The following ING3 variants were observed in gnomAD, a reference collection of about 807,000 sequenced individuals.
The protein encoded by ING3 is inhibitor of growth protein 3.
Under a neutral mutation model 64.8 loss-of-function variants are expected in ING3, and 6 were observed. The ratio of observed to expected loss-of-function variants is 0.09; its 90% CI spans 0.05 to 0.18. ING3 has a LOEUF of 0.18. Among genes scored for constraint, ING3 ranks in the 10% least tolerant of loss-of-function variants. The pLI is 1.00. For synonymous variants in ING3, 170 were observed against 173.7 expected (o/e 0.98, Z 0.17); for missense variants, 310 against 489.7 (o/e 0.63, Z 3.46).
At chr7:120,955,153 A>G (rs577056879) in intron 3 of ING3, among the ~76,000 whole-genome samples, 213 of 152,216 alleles carry the variant, frequency 1.4e-3, no homozygotes, top group African/African-American at 4.9e-3. Context: ...TTTTTGAGAC[A>G]GAGTCTCGCT....
chr7:120,963,809 C>G (rs991719551), intron 4 of ING3, among the ~76,000 whole-genome samples: 2 of 151,944 alleles, frequency 1.3e-5, no homozygotes, highest in African/African-American at 2.4e-5. Context: ...AAAATGTTGC[C>G]CTGGTAGAGT....
At position 120,968,714 on chromosome 7, in the gene ING3, TG is replaced by T. The variant is rs1345517280; in HGVS notation, c.715-294del. 2.6e-5 allele frequency among the ~76,000 whole-genome samples: 4 copies of T among 151,652 alleles called. No individual in the cohort carries two copies. The South Asian group carries it at 8.3e-4, about 32-fold the overall frequency. ...ACAAAAAAATTAGCTGGGTGCCTGG[TG>T]GGTGCCTGTAATCCCAGCTACTCGG... On this transcript the variant is annotated intron_variant, in intron 8 of 11. Coordinates refer to ENST00000315870, the MANE Select transcript of ING3 (RefSeq NM_019071.3).
rs1444626516 is a variant in ING3, at chr7:120,976,469, G to A, written c.*1625G>A. ...CTCCCTAAACAAGTTAGGTTCATTT[G>A]TGAGTACTCATCATTTCATAATATC... On this transcript the variant is annotated 3_prime_UTR_variant, in exon 12 of 12. Coordinates refer to ENST00000315870, the MANE Select transcript of ING3 (RefSeq NM_019071.3). 2 of 152,062 alleles carry A rather than the reference G, an allele frequency of 1.3e-5. No individual in the cohort carries two copies. Among genetic ancestry groups the A allele is most frequent in the South Asian group, 2.1e-4 (1 of 4,826 alleles). The allele number at this position is 152,062 out of a possible 1,614,324, so 9.4% of individuals were successfully genotyped here. A position where few individuals can be genotyped will look rare whatever the true frequency, so the allele number is the denominator to read the frequency against.
chr7:120,954,876 T>G (rs1213552203), intron 3 of ING3, among the ~76,000 whole-genome samples: 2 of 151,634 alleles, frequency 1.3e-5, no homozygotes, highest in Non-Finnish European at 2.9e-5. Context: ...CAGAATCCTT[T>G]CAATAGCTGA....
At chr7:120,952,904 C>A (rs1351494422) in intron 2 of ING3, among the ~76,000 whole-genome samples, 1 of 151,836 alleles carries the variant, frequency 6.6e-6, no homozygotes, top group Non-Finnish European at 1.5e-5. Flanking sequence ...TGCCATATAC[C>A]AAATATTTTT....
At position 120,974,853 on chromosome 7, in the gene ING3, C is replaced by A; in HGVS notation, c.*9C>A. The A allele has an allele frequency of 6.4e-7, 1 of 1,564,804 alleles. No homozygotes were observed. Reference sequence around the variant, plus strand: ...GCAGCAGACACAAATAAAGGTGGTCCTTTTGTTTGATGAAGAAATAAACTT... The same window carrying A: ...GCAGCAGACACAAATAAAGGTGGTCATTTTGTTTGATGAAGAAATAAACTT... On this transcript the variant is annotated 3_prime_UTR_variant, in exon 12 of 12. Coordinates refer to ENST00000315870, the MANE Select transcript of ING3 (RefSeq NM_019071.3).
rs1796128361 is a variant in ING3 at position 120,975,838 on chromosome 7, T to C, written c.*994T>C. The C allele has an allele frequency of 6.6e-6, 1 of 152,202 alleles. No homozygotes were observed. The highest frequency in any genetic ancestry group is 1.5e-5 in the Non-Finnish European group (1 of 68,020). 9.4% of individuals were successfully genotyped at this position (152,202 alleles called of 1,614,324 possible). A position where few individuals can be genotyped will look rare whatever the true frequency, so the allele number is the denominator to read the frequency against. ...ACAGGAAAGACATTTTTAATGTAAA[T>C]TTGAAATGCCAATGTATTTTTTTAA... On this transcript the variant is annotated 3_prime_UTR_variant, in exon 12 of 12. Transcript: ENST00000315870.
intron 3 of ING3, among the ~76,000 whole-genome samples, chr7:120,954,336 G>A (rs540206062): frequency 1.3e-5 from 2 of 151,970 alleles, no homozygotes; most frequent in East Asian, 3.9e-4. Flanking sequence ...TGAGACAGGA[G>A]AATCACTTGA....
chr7:120,956,796 C>T (rs919711580), intron 4 of ING3: 54 of 977,562 alleles, frequency 5.5e-5, no homozygotes, highest in Non-Finnish European at 6.6e-5. Context: ...CATTCTTCCT[C>T]ATATTCAATG....
chr7:120,970,334 G>A (rs1164348262), intron 9 of ING3, among the ~76,000 whole-genome samples: 2 of 151,796 alleles, frequency 1.3e-5, no homozygotes, highest in East Asian at 1.9e-4. Flanking sequence ...GCATGGTGGC[G>A]GGCGCCTGTA....
chr7:120,958,172 C>T (rs1317002996), intron 4 of ING3, among the ~76,000 whole-genome samples: 1 of 151,662 alleles, frequency 6.6e-6, no homozygotes, highest in Admixed American at 6.6e-5. Context: ...TTCTTTTCTG[C>T]CCCCACCTTT....
At chr7:120,973,095 A>G in intron 10 of ING3, 110 bp from the exon 11 acceptor site, 1 of 615,592 alleles carries the variant, frequency 1.6e-6, no homozygotes, top group Non-Finnish European at 3.0e-6. Context: ...GTAATTGTAT[A>G]TTCAGTGTAT....
chr7:120,966,094 G>A (rs143321465), intron 5 of ING3, among the ~76,000 whole-genome samples: 138 of 152,190 alleles, frequency 9.1e-4, no homozygotes, highest in African/African-American at 3.1e-3. Context: ...GTATTTAGAG[G>A]TATTTTAAAG....
At chr7:120,959,088 G>A (rs548046416) in intron 4 of ING3, among the ~76,000 whole-genome samples, 2 of 152,146 alleles carry the variant, frequency 1.3e-5, no homozygotes, top group Non-Finnish European at 2.9e-5. Context: ...GCCTGCTCTA[G>A]ATGCTCCCAC....
At chr7:120,959,413 T>TA (rs1795898682) in intron 4 of ING3, among the ~76,000 whole-genome samples, 1 of 152,178 alleles carries the variant, frequency 6.6e-6, no homozygotes, top group Admixed American at 6.5e-5. Context: ...CCCAAGCTGT[T>TA]TCTTTGAGTC....
chr7:120,957,597 CAG>C (rs1402670150), intron 4 of ING3, among the ~76,000 whole-genome samples: 12 of 152,062 alleles, frequency 7.9e-5, no homozygotes, highest in Non-Finnish European at 5.9e-5. Context: ...GAGTTTTGAA[CAG>C]AGTTTGTTTA....
chr7:120,977,104 T>C lies in ING3; in HGVS notation c.*2260T>C, dbSNP rs1028224998. On this transcript the variant is annotated 3_prime_UTR_variant, in exon 12 of 12. Coordinates refer to ENST00000315870, the MANE Select transcript of ING3 (RefSeq NM_019071.3). ...ACAGTTGGGACAAAATATCCAAATG[T>C]GGGTTCACAGTTCACAGGTGGTGAA... 6.6e-6 allele frequency: 1 copy of C among 152,220 alleles called. No individual in the cohort carries two copies. The highest frequency in any genetic ancestry group is 1.5e-5 in the Non-Finnish European group (1 of 68,028). The allele number at this position is 152,220 out of a possible 1,614,324, so 9.4% of individuals were successfully genotyped here.
At chr7:120,961,519 G>C (rs1375568991) in intron 4 of ING3, among the ~76,000 whole-genome samples, 1 of 152,036 alleles carries the variant, frequency 6.6e-6, no homozygotes, top group East Asian at 1.9e-4. Context: ...GTTTTGTTTG[G>C]GTCCATTAGT....
At chr7:120,965,884 G>C (rs748312780) in intron 5 of ING3, among the ~76,000 whole-genome samples, 1 of 152,112 alleles carries the variant, frequency 6.6e-6, no homozygotes, top group Non-Finnish European at 1.5e-5. Flanking sequence ...TTCTGTATCT[G>C]CTTTGATTTT....
Sources: gnomAD v4.1 joint callset for allele counts (sites outside exome capture counted in the v4.1 genomes callset) on GRCh38, gnomAD v4.1.1 for gene constraint, MANE v1.5 for transcripts, NCBI Gene and HGNC (gene_info 2026-07-23, HGNC 2026-07-21) for gene names.